Variants in CTNNA2 observed in about 807,000 individuals in gnomAD.
The protein encoded by CTNNA2 is catenin alpha 2, also known as catenin alpha-2.
CTNNA2 carries 42 observed loss-of-function variants against 101.0 expected under a neutral mutation model. The ratio of observed to expected loss-of-function variants is 0.42; its 90% CI spans 0.32 to 0.54. The LOEUF (loss-of-function observed/expected upper bound fraction) is 0.54, where lower values mean the gene tolerates loss of function less well. CTNNA2 is among the 20% of genes least tolerant of loss of function. The pLI, the probability that CTNNA2 is intolerant of heterozygous loss-of-function variation, is 0.14. For synonymous variants in CTNNA2, 450 were observed against 456.4 expected (o/e 0.99, Z 0.18); for missense variants, 871 against 1,223.1 (o/e 0.71, Z 4.29).
rs1678009515 is a variant in CTNNA2, at chr2:79,378,959, TGG to T, written c.-135+4947_-135+4948del. 5.3e-5 allele frequency among the ~76,000 whole-genome samples: 8 copies of T among 152,134 alleles called. 1 individual carries two copies. The South Asian group carries it at 1.7e-3, about 31-fold the overall frequency. ...GCCTAAGGCAGCAGGATCGCTCAGG[TGG>T]ACTAGATAGCACATCTCTCACCTTC... On this transcript the variant is annotated intron_variant, in intron 4 of 21. Transcript: ENST00000466387.
At chr2:79,383,168 A>G (rs1317933516) in intron 4 of CTNNA2, among the ~76,000 whole-genome samples, 2 of 152,242 alleles carry the variant, frequency 1.3e-5, no homozygotes, top group African/African-American at 4.8e-5. Context: ...ATAGAAGTCA[A>G]AACAGTAGAA....
intron 9 of CTNNA2, among the ~76,000 whole-genome samples, chr2:80,422,170 C>T (rs373692943): frequency 2.0e-5 from 3 of 152,040 alleles, no homozygotes; most frequent in East Asian, 1.9e-4. Context: ...ACAATCGTGG[C>T]GGAAGGCAAA....
At chr2:80,467,992 G>T (rs1255010576) in intron 9 of CTNNA2, among the ~76,000 whole-genome samples, 1 of 152,126 alleles carries the variant, frequency 6.6e-6, no homozygotes, top group Admixed American at 6.5e-5. Context: ...AAACATAATA[G>T]AATATATTTA....
At chr2:79,618,032 A>G (rs1422670521) in intron 1 of CTNNA2, among the ~76,000 whole-genome samples, 1 of 152,106 alleles carries the variant, frequency 6.6e-6, no homozygotes, top group Non-Finnish European at 1.5e-5. Context: ...GAGCTGAGTC[A>G]TGGACACCCC....
intron 5 of CTNNA2, among the ~76,000 whole-genome samples, chr2:79,505,684 G>GGCTA (rs2103811606): frequency 6.6e-6 from 1 of 152,322 alleles, no homozygotes; most frequent in South Asian, 2.1e-4. Context: ...ATTAACCTCA[G>GGCTA]GCTAAAGCAT....
At chr2:79,461,420 C>T (rs1167379104) in intron 4 of CTNNA2, among the ~76,000 whole-genome samples, 2 of 152,190 alleles carry the variant, frequency 1.3e-5, no homozygotes, top group African/African-American at 2.4e-5. Flanking sequence ...GCTGCAGAAT[C>T]TCACCTTTGA....
chr2:79,213,888 A>AT (rs1384285598), intron 2 of CTNNA2, among the ~76,000 whole-genome samples: 4 of 152,192 alleles, frequency 2.6e-5, no homozygotes, highest in Non-Finnish European at 5.9e-5. Context: ...ATAGTTTGTG[A>AT]TTTTTAGGGC....
intron 1 of CTNNA2, among the ~76,000 whole-genome samples, chr2:79,584,247 C>G (rs113578675): frequency 0.038 from 5,809 of 152,232 alleles, 370 homozygotes; most frequent in African/African-American, 0.13. Context: ...TCTACTCAGA[C>G]TACCTGTTTA....
chr2:80,615,966 A>G (rs1298673043), intron 17 of CTNNA2, among the ~76,000 whole-genome samples: 2 of 151,452 alleles, frequency 1.3e-5, no homozygotes, highest in Admixed American at 6.6e-5. Context: ...TCCTAATTCT[A>G]TTTTCTTGAA....
chr2:80,484,812 C>T (rs1686426704), intron 9 of CTNNA2, among the ~76,000 whole-genome samples: 1 of 152,118 alleles, frequency 6.6e-6, no homozygotes, highest in South Asian at 2.1e-4. Flanking sequence ...CGAGACCATC[C>T]TGGCTACCAC....
chr2:79,698,067 T>C (rs1304176985), intron 2 of CTNNA2: 1 of 152,094 alleles, frequency 6.6e-6, no homozygotes, highest in Non-Finnish European at 1.5e-5. Flanking sequence ...TATTTATTTA[T>C]TTATTTTTGG....
intron 11 of CTNNA2, among the ~76,000 whole-genome samples, chr2:80,551,885 G>C (rs1195649839): frequency 2.6e-5 from 4 of 152,154 alleles, no homozygotes; most frequent in African/African-American, 9.7e-5. Context: ...CTTGTGACAT[G>C]TCTTCCTCAC....
chr2:79,668,274 A>AAT (rs1682583432), intron 2 of CTNNA2, among the ~76,000 whole-genome samples: 1 of 148,146 alleles, frequency 6.8e-6, no homozygotes, highest in Admixed American at 6.7e-5. Context: ...AAAAAAAAAA[A>AAT]CTTGAACAAC....
chr2:80,589,683 T>C (rs529171299), intron 15 of CTNNA2, among the ~76,000 whole-genome samples, 198 bp downstream of exon 15: 5 of 152,188 alleles, frequency 3.3e-5, no homozygotes, highest in Non-Finnish European at 7.3e-5. Flanking sequence ...TCAAGGAGAA[T>C]AGATTCAATG....
intron 1 of CTNNA2, among the ~76,000 whole-genome samples, chr2:79,519,510 A>G (rs940252417): frequency 6.6e-6 from 1 of 152,098 alleles, no homozygotes. Flanking sequence ...AAACTCTCCA[A>G]CACTTATTTA....
intron 1 of CTNNA2, among the ~76,000 whole-genome samples, chr2:79,608,491 C>G (rs560590468): frequency 1.2e-4 from 18 of 151,990 alleles, no homozygotes; most frequent in Non-Finnish European, 2.4e-4. Context: ...TCTTCATGAA[C>G]ATAACATGCA....
intron 9 of CTNNA2, among the ~76,000 whole-genome samples, chr2:80,539,055 G>C (rs750011756): frequency 7.2e-5 from 11 of 152,120 alleles, no homozygotes; most frequent in Non-Finnish European, 1.6e-4. Context: ...GTTTCACTCT[G>C]TTGCCCAGAC....
chr2:79,682,410 CAAAAAAAA>C (rs10674928), intron 2 of CTNNA2, among the ~76,000 whole-genome samples: 6 of 73,334 alleles, frequency 8.2e-5, no homozygotes, highest in African/African-American at 3.3e-4. Flanking sequence ...AACTCCATCT[CAAAAAAAA>C]AAAAAAAAAA....
intron 2 of CTNNA2, among the ~76,000 whole-genome samples, chr2:79,214,530 A>C (rs1674220173): frequency 6.6e-6 from 1 of 152,144 alleles, no homozygotes; most frequent in Admixed American, 6.5e-5. Flanking sequence ...ACAGGCTTTA[A>C]TCCTTTTAAA....
Sources: allele counts gnomAD v4.1 joint callset (sites outside exome capture counted in the v4.1 genomes callset), GRCh38; gene constraint gnomAD v4.1.1; transcripts MANE v1.5; gene names NCBI Gene and HGNC (gene_info 2026-07-23, HGNC 2026-07-21).